The following USH2A variants were observed in gnomAD, a reference collection of about 807,000 sequenced individuals.
USH2A encodes usherin.
Under a neutral mutation model 538.9 loss-of-function variants are expected in USH2A, and 443 were observed. The observed-to-expected ratio is 0.82, with a 90% CI of 0.76 to 0.89. The LOEUF is 0.89. Ranked by LOEUF, USH2A falls within the 40% of genes least tolerant of loss-of-function variation. The pLI is 0.00. For missense variants in USH2A, 6,633 were observed against 6,324.8 expected, an observed-to-expected ratio of 1.05 and a Z score of -1.65; for synonymous variants, 2,413 against 2,273.5, an observed-to-expected ratio of 1.06 and a Z score of -1.75.
intron 37 of USH2A, among the ~76,000 whole-genome samples, chr1:215,956,896 A>G (rs1405570783): frequency 1.3e-5 from 2 of 152,198 alleles, no homozygotes; most frequent in East Asian, 3.9e-4. Flanking sequence ...ATGACATGAT[A>G]TACAATCAGA....
intron 9 of USH2A, among the ~76,000 whole-genome samples, chr1:216,316,414 T>A (rs2037510459): frequency 6.6e-6 from 1 of 152,164 alleles, no homozygotes; most frequent in Non-Finnish European, 1.5e-5. Flanking sequence ...AATCTATCCA[T>A]CAGTTTTGCT....
intron 3 of USH2A, among the ~76,000 whole-genome samples, chr1:216,417,175 G>C (rs1272987025): frequency 1.3e-5 from 2 of 150,992 alleles, no homozygotes; most frequent in Non-Finnish European, 2.9e-5. Flanking sequence ...AATCACATTT[G>C]CTAAACTCAT....
At position 215,670,362 on chromosome 1, in the gene USH2A, T is replaced by G. The variant is rs915654584; in HGVS notation, c.14133+610A>C. Among the ~76,000 whole-genome samples, 3 of 152,146 alleles carry G rather than the reference T, an allele frequency of 2.0e-5. 1 individual carries two copies. Among genetic ancestry groups the G allele is most frequent in the Non-Finnish European group, 4.4e-5 (3 of 68,026 alleles). ...AATGAGGTTGTTATCACAAGAAGAATGCAAATGGACTCTGATGGCAAAACA... is the reference window on the plus strand; with the variant it reads ...AATGAGGTTGTTATCACAAGAAGAAGGCAAATGGACTCTGATGGCAAAACA... On this transcript the variant is annotated intron_variant, in intron 64 of 71. Coordinates refer to ENST00000307340, the MANE Select transcript of USH2A (RefSeq NM_206933.4).
intron 64 of USH2A, among the ~76,000 whole-genome samples, chr1:215,664,453 T>C (rs1164026941): frequency 6.6e-6 from 1 of 152,180 alleles, no homozygotes; most frequent in Non-Finnish European, 1.5e-5. Flanking sequence ...CTAAATACCA[T>C]TAGAAAATTC....
intron 20 of USH2A, among the ~76,000 whole-genome samples, chr1:216,176,245 G>C (rs997948854): frequency 1.3e-5 from 2 of 151,554 alleles, no homozygotes; most frequent in Non-Finnish European, 2.9e-5. Flanking sequence ...TTTTTTTAGA[G>C]ATGGAGTCTC....
chr1:215,740,374 TCTCA>T (rs1245649671), intron 60 of USH2A, among the ~76,000 whole-genome samples: 1 of 152,222 alleles, frequency 6.6e-6, no homozygotes, highest in Non-Finnish European at 1.5e-5. Flanking sequence ...TCTCTCTCTC[TCTCA>T]ATCTCTCTTT....
chr1:215,960,722 A>C (rs1392102252), intron 37 of USH2A, among the ~76,000 whole-genome samples: 1 of 152,114 alleles, frequency 6.6e-6, no homozygotes, highest in Non-Finnish European at 1.5e-5. Flanking sequence ...AACCAAGTGT[A>C]GGTTGGTTGA....
intron 21 of USH2A, among the ~76,000 whole-genome samples, chr1:216,143,470 A>C (rs901796878): frequency 1.3e-5 from 2 of 152,224 alleles, no homozygotes; most frequent in African/African-American, 2.4e-5. Flanking sequence ...ACCTACAAAT[A>C]GTAGTGGTCT....
chr1:215,690,891 C>CA (rs1484745174), intron 61 of USH2A, among the ~76,000 whole-genome samples: 1 of 151,956 alleles, frequency 6.6e-6, no homozygotes, highest in East Asian at 1.9e-4. Context: ...CTCAGTTTGC[C>CA]TTTTTTTCTC....
chr1:215,708,492 T>C (rs1264033277), intron 61 of USH2A, among the ~76,000 whole-genome samples: 1 of 152,148 alleles, frequency 6.6e-6, no homozygotes, highest in Admixed American at 6.5e-5. Flanking sequence ...ATCCCCAACC[T>C]TTTGGGCACC....
At chr1:215,629,109 C>A in intron 70 of USH2A, 74 bp from the exon 71 acceptor site, 3 of 1,417,414 alleles carry the variant, frequency 2.1e-6, no homozygotes, top group Non-Finnish European at 3.0e-6. Context: ...AATTGTGTCT[C>A]ACACATTGTC....
intron 39 of USH2A, 123 bp downstream of exon 39, chr1:215,900,632 G>GT (rs1665468498): frequency 2.1e-5 from 27 of 1,284,052 alleles, no homozygotes; most frequent in Admixed American, 3.9e-5. Context: ...ATTGTTTGGG[G>GT]TTTTTTTGTA....
intron 13 of USH2A, among the ~76,000 whole-genome samples, chr1:216,238,235 T>A (rs2035867897): frequency 1.3e-5 from 2 of 152,192 alleles, no homozygotes; most frequent in African/African-American, 4.8e-5. Flanking sequence ...GTTTTCATTA[T>A]AAATTAGCCT....
At chr1:215,867,271 C>A (rs372061794) in intron 43 of USH2A, 101 bp from the exon 44 acceptor site, 1 of 1,273,060 alleles carries the variant, frequency 7.9e-7, no homozygotes, top group African/African-American at 1.5e-5. Context: ...GATTTCCTTC[C>A]ACCCCTCTAC....
At position 215,888,922 on chromosome 1, in the gene USH2A, A is replaced by C; in HGVS notation, c.7727T>G (p.Leu2576Trp). Residue 2576 changes from leucine (L) to tryptophan (W), a missense_variant, in exon 41 of 72, where the codon TTG becomes TGG. Physicochemically the swap from Leu to Trp is moderately conservative, Grantham distance 61 (BLOSUM62 -2). Coordinates refer to ENST00000307340, the MANE Select transcript of USH2A (RefSeq NM_206933.4). ...ATTAGTGACATTTCCAGGAGTTCTCAAGTATAGACGGCCATGTAGATAAAT... is the reference window on the plus strand; with the variant it reads ...ATTAGTGACATTTCCAGGAGTTCTCCAGTATAGACGGCCATGTAGATAAAT... ...YNIYLHGRLY[L>W]RTPGNVTNCT... is the part of the protein sequence containing the mutation. The C allele has an allele frequency of 5.6e-6, 9 of 1,614,178 alleles. No homozygotes were observed. Among genetic ancestry groups the C allele is most frequent in the Non-Finnish European group, 7.6e-6 (9 of 1,180,016 alleles).
intron 43 of USH2A, among the ~76,000 whole-genome samples, chr1:215,874,460 G>A (rs915109235): frequency 2.6e-5 from 4 of 152,176 alleles, no homozygotes; most frequent in African/African-American, 9.7e-5. Context: ...TAATTGACTT[G>A]AGACTGTTTT....
At chr1:215,770,346 C>T (rs1167153348) in intron 55 of USH2A, among the ~76,000 whole-genome samples, 3 of 151,880 alleles carry the variant, frequency 2.0e-5, no homozygotes, top group Non-Finnish European at 4.4e-5. Context: ...ATTGCAGCTG[C>T]TCTTTATTAA....
intron 64 of USH2A, among the ~76,000 whole-genome samples, chr1:215,667,536 A>G (rs1657667058): frequency 6.6e-6 from 1 of 152,148 alleles, no homozygotes; most frequent in East Asian, 1.9e-4. Context: ...GTCTCTACTA[A>G]AAATACAAAA....
intron 20 of USH2A, among the ~76,000 whole-genome samples, chr1:216,180,433 A>C (rs1203851855): frequency 6.6e-6 from 1 of 152,130 alleles, no homozygotes; most frequent in Admixed American, 6.6e-5. Flanking sequence ...AAAATGTTAT[A>C]ATATGCATTC....
Sources: allele counts gnomAD v4.1 joint callset (sites outside exome capture counted in the v4.1 genomes callset), GRCh38; gene constraint gnomAD v4.1.1; transcripts MANE v1.5; gene names NCBI Gene and HGNC (gene_info 2026-07-23, HGNC 2026-07-21).